Variants in SMARCA2 observed in about 807,000 individuals in gnomAD.
SMARCA2 encodes the protein SWI/SNF-related matrix-associated actin-dependent regulator of chromatin subfamily A member 2.
Under a neutral mutation model 199.8 loss-of-function variants are expected in SMARCA2, and 61 were observed. The ratio of observed to expected loss-of-function variants is 0.31; its 90% CI spans 0.25 to 0.38. The LOEUF (loss-of-function observed/expected upper bound fraction) is 0.38. SMARCA2 is among the 10% of genes least tolerant of loss of function. The pLI is 1.00. For synonymous variants in SMARCA2, 935 were observed against 732.0 expected (o/e 1.28, Z -4.48); for missense variants, 1,344 against 2,012.2 (o/e 0.67, Z 6.35).
intron 12 of SMARCA2, 104 bp downstream of exon 12, chr9:2,073,727 C>G: frequency 3.6e-6 from 3 of 833,586 alleles, no homozygotes; most frequent in African/African-American, 1.7e-5. Flanking sequence ...ATCATTTCTT[C>G]CTCCAGGATT....
chr9:2,048,367 C>T (rs116504645), intron 5 of SMARCA2, among the ~76,000 whole-genome samples: 100 of 152,274 alleles, frequency 6.6e-4, no homozygotes, highest in African/African-American at 2.3e-3. Context: ...TTTTCTGTGA[C>T]TCAGTTTCCT....
At chr9:2,187,911 C>T (rs1347451141) in intron 32 of SMARCA2, among the ~76,000 whole-genome samples, 1 of 151,702 alleles carries the variant, frequency 6.6e-6, no homozygotes, top group Non-Finnish European at 1.5e-5. Flanking sequence ...ATAATAAGTA[C>T]AAAAATCATG....
At chr9:2,102,532 C>T (rs921710819) in intron 22 of SMARCA2, among the ~76,000 whole-genome samples, 1 of 152,178 alleles carries the variant, frequency 6.6e-6, no homozygotes, top group Non-Finnish European at 1.5e-5. Context: ...TACATGTGCA[C>T]TGGCAAGTTT....
chr9:2,183,434 A>G (rs1324200), intron 31 of SMARCA2, among the ~76,000 whole-genome samples: 100,357 of 151,420 alleles, frequency 0.66, 33,408 homozygotes, highest in Admixed American at 0.73. Flanking sequence ...TTTCATTTTA[A>G]TTACACCTCA....
chr9:2,123,576 G>T lies in SMARCA2; in HGVS notation c.3763-143G>T. ...TCTCTCCCTAGATATTTAGGGATGA[G>T]CTAGAACAAGCCAACCAGGATGAGA... On this transcript the variant is annotated intron_variant, in intron 26 of 33. Coordinates refer to ENST00000349721, the MANE Select transcript of SMARCA2 (RefSeq NM_003070.5). The surrounding 1 kb of genome is among the most constrained non-coding windows in gnomAD (Gnocchi z 4.1). 1.4e-6 allele frequency: 1 copy of T among 729,336 alleles called. No individual in the cohort carries two copies. The highest frequency in any genetic ancestry group is 2.4e-6 in the Non-Finnish European group (1 of 410,332). 45.2% of individuals were successfully genotyped at this position (729,336 alleles called of 1,614,324 possible). A position where few individuals can be genotyped will look rare whatever the true frequency, so the allele number is the denominator to read the frequency against.
At position 2,170,353 on chromosome 9, in the gene SMARCA2, G is replaced by T. The variant is rs1358758298; in HGVS notation, c.4200-66G>T. 2.8e-5 allele frequency: 45 copies of T among 1,605,770 alleles called. No individual in the cohort carries two copies. Among genetic ancestry groups the T allele is most frequent in the Non-Finnish European group, 3.7e-5 (44 of 1,175,478 alleles). On this transcript the variant is annotated intron_variant, in intron 28 of 33. Coordinates refer to ENST00000349721, the MANE Select transcript of SMARCA2 (RefSeq NM_003070.5). This position sits in a 1 kb window ranked among gnomAD's most constrained non-coding sequence, Gnocchi z 4.7. ...TTGGCCAGGTCACCCAGCCTAGGAA[G>T]AAGGAGCCGGGCGGGGACGAGAACC...
chr9:2,161,795 C>G lies in SMARCA2; in HGVS notation c.4091C>G (p.Ala1364Gly). 1 of 1,613,920 alleles carries G rather than the reference C, an allele frequency of 6.2e-7. No homozygotes were observed. The highest frequency in any genetic ancestry group is 8.5e-7 in the Non-Finnish European group (1 of 1,179,890). ...KDPAKEDVEK[A>G]KKRRGRPPAE... is the part of the protein sequence containing the mutation. ...CCTGCAAAAGAAGATGTGGAAAAAG[C>G]TAAGAAGAGAAGAGGCCGCCCTCCC... Residue 1364 changes from alanine to glycine, a missense_variant, in exon 28 of 34, where the codon GCT (alanine) becomes GGT (glycine). Ala to Gly is a moderately conservative substitution (Grantham distance 60, BLOSUM62 0). Around this residue, in one of 18 missense-constraint regions of SMARCA2, gnomAD observed 151 missense variants for 154.0 expected, o/e 0.98. Transcript: ENST00000349721. This position sits in a 1 kb window ranked among gnomAD's most constrained non-coding sequence, Gnocchi z 4.7.
chr9:2,020,371 G>C (rs897136821), intron 1 of SMARCA2, among the ~76,000 whole-genome samples: 2 of 152,072 alleles, frequency 1.3e-5, no homozygotes, highest in Non-Finnish European at 1.5e-5. Context: ...CCTTTAGCCG[G>C]TTAATAAAGC....
chr9:2,056,992 C>T lies in SMARCA2; in HGVS notation c.1347+147C>T, dbSNP rs1586656286. 1 of 678,582 alleles carries T rather than the reference C, an allele frequency of 1.5e-6. No homozygotes were observed. Among genetic ancestry groups the T allele is most frequent in the East Asian group, 2.8e-5 (1 of 36,220 alleles). The allele number at this position is 678,582 out of a possible 1,614,324, so 42.0% of individuals were successfully genotyped here. A position where few individuals can be genotyped will look rare whatever the true frequency, so the allele number is the denominator to read the frequency against. Reference sequence around the variant, plus strand: ...AACGGTTCCTTGACATGTACATAATCCAACCACATCATTTTATAGACAAAG... The same window carrying T: ...AACGGTTCCTTGACATGTACATAATTCAACCACATCATTTTATAGACAAAG... On this transcript the variant is annotated intron_variant, in intron 7 of 33. Transcript: ENST00000349721. This position sits in a 1 kb window ranked among gnomAD's most constrained non-coding sequence, Gnocchi z 4.0.
At chr9:2,079,123 C>A (rs143713496) in intron 14 of SMARCA2, among the ~76,000 whole-genome samples, 1 of 152,104 alleles carries the variant, frequency 6.6e-6, no homozygotes, top group East Asian at 1.9e-4. Context: ...TGAACAACAA[C>A]CAGATACGGT....
intron 22 of SMARCA2, among the ~76,000 whole-genome samples, chr9:2,102,136 T>A (rs1017409301): frequency 5.6e-5 from 6 of 107,300 alleles, no homozygotes; most frequent in African/African-American, 2.4e-4. Flanking sequence ...ACAGAAAGTG[T>A]GTGTGTGTGT....
At chr9:2,103,958 C>G (rs773217102) in intron 22 of SMARCA2, 45 bp from the exon 23 acceptor site, 1 of 1,572,888 alleles carries the variant, frequency 6.4e-7, no homozygotes, top group East Asian at 2.3e-5. Context: ...TTTAAGAAGA[C>G]AGAAGTAATA....
Position 2,158,021 on chromosome 9 carries a change from G to C in SMARCA2, c.3982-3665G>C, listed in dbSNP as rs547210184. On this transcript the variant is annotated intron_variant, in intron 27 of 33. Coordinates refer to ENST00000349721, the MANE Select transcript of SMARCA2 (RefSeq NM_003070.5). ...CCTGCATGACTGTCTCCTGCATTTT[G>C]CTGTCAGAACGTGCACGCCGCTTTC... 711 of 394,550 alleles carry C rather than the reference G, an allele frequency of 1.8e-3. 3 individuals carry two copies. The highest frequency in any genetic ancestry group is 4.2e-3 in the Admixed American group (95 of 22,630). 24.4% of individuals were successfully genotyped at this position (394,550 alleles called of 1,614,324 possible). A position where few individuals can be genotyped will look rare whatever the true frequency, so the allele number is the denominator to read the frequency against.
intron 27 of SMARCA2, among the ~76,000 whole-genome samples, chr9:2,153,812 G>T (rs944674838): frequency 7.5e-6 from 1 of 132,978 alleles, no homozygotes; most frequent in Non-Finnish European, 1.5e-5. Flanking sequence ...ATGCAAAGCT[G>T]TGTGTGTGTG....
rs1445858858 is a variant in SMARCA2, at chr9:2,040,002, G to A, written c.790+102G>A. The A allele has an allele frequency of 3.2e-6, 5 of 1,544,722 alleles. No homozygotes were observed. The East Asian group carries it at 6.7e-5, about 21-fold the overall frequency. Reference sequence around the variant, plus strand: ...TTGTTAAAAGCCCGGGGCTGACGTAGCCTTTTGTTATACCTCACTGGCTCT... The same window carrying A: ...TTGTTAAAAGCCCGGGGCTGACGTAACCTTTTGTTATACCTCACTGGCTCT... On this transcript the variant is annotated intron_variant, in intron 4 of 33. Transcript: ENST00000349721.
rs1033536996 is a variant in SMARCA2 at position 2,073,404 on chromosome 9, A to C, written c.1877+62A>C. 10 of 1,599,478 alleles carry C rather than the reference A, an allele frequency of 6.3e-6. No individual in the cohort carries two copies. The African/African-American group carries it at 1.2e-4, about 19-fold the overall frequency. ...GCTTTTTAGATTTTGGTAATCTTGT[A>C]CGATCTCGAAACTAAAACTACACAG... is the stretch of plus-strand genomic sequence containing the variant. On this transcript the variant is annotated intron_variant, in intron 11 of 33. Transcript: ENST00000349721.
rs866719233 is a variant in SMARCA2 at position 2,046,665 on chromosome 9, C to G, written c.791-564C>G. Among the ~76,000 whole-genome samples, 23 of 152,032 alleles carry G rather than the reference C, an allele frequency of 1.5e-4. No individual in the cohort carries two copies. In the South Asian group the frequency reaches 3.3e-3, roughly 22 times the overall value. On this transcript the variant is annotated intron_variant, in intron 4 of 33. Coordinates refer to ENST00000349721, the MANE Select transcript of SMARCA2 (RefSeq NM_003070.5). ...CTGACAGCAGGGCTCTTCCAGATTG[C>G]GATAGAGGTCTGTCCTAAAAGGGCT...
intron 1 of SMARCA2, among the ~76,000 whole-genome samples, chr9:2,028,315 T>C (rs1431998361): frequency 2.0e-5 from 3 of 151,776 alleles, no homozygotes; most frequent in African/African-American, 4.9e-5. Flanking sequence ...GGTGGCCGTT[T>C]GTTGTGCTGA....
intron 16 of SMARCA2, among the ~76,000 whole-genome samples, 198 bp from the exon 17 acceptor site, chr9:2,083,888 T>C (rs1821678461): frequency 6.6e-6 from 1 of 152,188 alleles, no homozygotes; most frequent in Admixed American, 6.5e-5. Context: ...TGGGAAAACC[T>C]TTCTAAAAAA....
Sources: gnomAD v4.1 joint callset for allele counts (sites outside exome capture counted in the v4.1 genomes callset) on GRCh38, gnomAD v4.1.1 for gene constraint, gnomAD v4.1.1 regional missense constraint, Gnocchi (gnomAD v3.1) non-coding constraint, MANE v1.5 for transcripts, NCBI Gene and HGNC (gene_info 2026-07-23, HGNC 2026-07-21) for gene names.